CTNNA1: variants seen among roughly 807,000 people sequenced by gnomAD.
CTNNA1 encodes the protein catenin alpha 1.
Under a neutral mutation model 98.4 loss-of-function variants are expected in CTNNA1, and 37 were observed. The observed-to-expected ratio is 0.38, with a 90% confidence interval of 0.29 to 0.49. CTNNA1 has a LOEUF of 0.49. Among genes scored for constraint, CTNNA1 ranks in the 20% least tolerant of loss-of-function variants. The pLI, the probability that CTNNA1 is intolerant of heterozygous loss-of-function variation, is 0.95. For missense variants in CTNNA1, 761 were observed against 1,147.2 expected (o/e 0.66, Z 4.86); for synonymous variants, 404 against 413.2 (o/e 0.98, Z 0.27).
In CTNNA1 at chr5:138,906,659, A is replaced by G. The variant is rs147421951; in HGVS notation, c.1389+2218A>G. On this transcript the variant is annotated intron_variant, in intron 10 of 17. Transcript: ENST00000302763. The stretch of plus-strand genomic sequence containing the variant: ...GGTTTGAGTTAGCCATCAGAAAGCA[A>G]TGTGTCTTCCTCTCCCTTGCAGTTT... Among the ~76,000 whole-genome samples, 23 of 152,298 alleles carry G rather than the reference A, an allele frequency of 1.5e-4. No individual in the cohort carries two copies. The East Asian group carries it at 1.5e-3, about 10-fold the overall frequency.
chr5:138,785,399 C>T (rs1473488118), intron 3 of CTNNA1, among the ~76,000 whole-genome samples: 1 of 152,064 alleles, frequency 6.6e-6, no homozygotes, highest in Non-Finnish European at 1.5e-5. Context: ...CAGTTCAGGA[C>T]AGTTTTTGAG....
chr5:138,867,987 G>A (rs1037142900), intron 7 of CTNNA1, among the ~76,000 whole-genome samples: 1 of 152,016 alleles, frequency 6.6e-6, no homozygotes, highest in African/African-American at 2.4e-5. Flanking sequence ...CTTGACCGCA[G>A]GTGATCCACC....
At chr5:138,814,950 C>T (rs900368688) in intron 5 of CTNNA1, among the ~76,000 whole-genome samples, 5 of 152,102 alleles carry the variant, frequency 3.3e-5, no homozygotes, top group African/African-American at 1.2e-4. Flanking sequence ...GACGGGGTTT[C>T]ACCATCTTGG....
intron 1 of CTNNA1, chr5:138,754,466 A>G (rs1332732825): frequency 2.0e-5 from 3 of 152,112 alleles, no homozygotes; most frequent in Non-Finnish European, 2.9e-5. Context: ...AGAATTTACA[A>G]TTATTTGGAA....
At chr5:138,783,943 C>G (rs937942339) in intron 3 of CTNNA1, among the ~76,000 whole-genome samples, 1 of 152,120 alleles carries the variant, frequency 6.6e-6, no homozygotes, top group African/African-American at 2.4e-5. Context: ...TTGGGAAATT[C>G]AGAATTGATA....
At chr5:138,929,417 T>G (rs1160959022) in intron 14 of CTNNA1, 61 bp downstream of exon 14, 1 of 833,794 alleles carries the variant, frequency 1.2e-6, no homozygotes, top group African/African-American at 1.7e-5. Context: ...GTCCCCTTTC[T>G]TGTTTCCAGG....
At chr5:138,904,222 G>A (rs1758671973) in intron 9 of CTNNA1, 127 bp from the exon 10 acceptor site, 2 of 1,173,628 alleles carry the variant, frequency 1.7e-6, no homozygotes, top group Admixed American at 2.9e-5. Context: ...ATCAGGCTGT[G>A]AGAAGGGAGG....
intron 5 of CTNNA1, among the ~76,000 whole-genome samples, chr5:138,813,356 G>A (rs746099633): frequency 5.3e-5 from 8 of 152,174 alleles, no homozygotes; most frequent in Non-Finnish European, 8.8e-5. Flanking sequence ...TAGTAGACTT[G>A]TCCTAAATCT....
chr5:138,874,797 C>T lies in CTNNA1; in HGVS notation c.1063-11415C>T. 1 of 1,145,434 alleles carries T rather than the reference C, an allele frequency of 8.7e-7. No homozygotes were observed. The highest frequency in any genetic ancestry group is 1.3e-6 in the Non-Finnish European group (1 of 782,110). 71.0% of individuals were successfully genotyped at this position (1,145,434 alleles called of 1,614,324 possible). On this transcript the variant is annotated intron_variant, in intron 7 of 17. Transcript: ENST00000302763. This position sits in a 1 kb window ranked among gnomAD's most constrained non-coding sequence, Gnocchi z 4.1. ...TCGATATATGCTTTTACCTAAACCT[C>T]AAAATCCAAAATATGATGGTGATTT... is the stretch of plus-strand genomic sequence containing the variant.
chr5:138,772,507 T>TA (rs1421655574), intron 1 of CTNNA1, among the ~76,000 whole-genome samples: 2 of 152,210 alleles, frequency 1.3e-5, no homozygotes, highest in African/African-American at 4.8e-5. Flanking sequence ...AACCAGAAGA[T>TA]ACGACTAAGA....
chr5:138,915,364 A>G (rs1460106411), intron 10 of CTNNA1, among the ~76,000 whole-genome samples: 3 of 152,164 alleles, frequency 2.0e-5, no homozygotes, highest in Non-Finnish European at 1.5e-5. Context: ...ATCATCAGCT[A>G]TCAGGATGGT....
chr5:138,917,331 C>T (rs2150230841), intron 10 of CTNNA1, among the ~76,000 whole-genome samples: 1 of 152,212 alleles, frequency 6.6e-6, no homozygotes, highest in South Asian at 2.1e-4. Flanking sequence ...AGAATATATA[C>T]TTAGTGTTTT....
At chr5:138,768,134 T>G (rs1293929332) in intron 1 of CTNNA1, among the ~76,000 whole-genome samples, 2 of 152,230 alleles carry the variant, frequency 1.3e-5, no homozygotes, top group East Asian at 3.8e-4. Flanking sequence ...CATATTGCAT[T>G]CGATTGTCGT....
At chr5:138,771,848 G>A (rs1019522792) in intron 1 of CTNNA1, among the ~76,000 whole-genome samples, 4 of 151,964 alleles carry the variant, frequency 2.6e-5, no homozygotes, top group Non-Finnish European at 5.9e-5. Context: ...ACGTTGCTTC[G>A]GGTACTTTTA....
chr5:138,864,341 G>A (rs917551873), intron 7 of CTNNA1, among the ~76,000 whole-genome samples: 2 of 152,126 alleles, frequency 1.3e-5, no homozygotes, highest in African/African-American at 2.4e-5. Flanking sequence ...AATTGGGAAA[G>A]TTACAAATCT....
intron 3 of CTNNA1, among the ~76,000 whole-genome samples, chr5:138,787,631 A>G (rs1755855630): frequency 6.6e-6 from 1 of 152,076 alleles, no homozygotes; most frequent in African/African-American, 2.4e-5. Flanking sequence ...AAAGGTAGTT[A>G]TTTATGTGTT....
At chr5:138,813,966 T>G (rs190352866) in intron 5 of CTNNA1, among the ~76,000 whole-genome samples, 2 of 152,186 alleles carry the variant, frequency 1.3e-5, no homozygotes, top group South Asian at 4.1e-4. Flanking sequence ...TGGGGGCTTC[T>G]TAGTCATTTG....
intron 7 of CTNNA1, chr5:138,881,059 G>A (rs781703678): frequency 2.4e-5 from 11 of 456,240 alleles, no homozygotes; most frequent in South Asian, 9.3e-5. Context: ...TCAGCATTCC[G>A]TCTGCAGTTG....
intron 7 of CTNNA1, chr5:138,870,192 C>T (rs1281481206): frequency 1.3e-5 from 2 of 152,198 alleles, no homozygotes; most frequent in Non-Finnish European, 2.9e-5. Context: ...AGATCCGCAG[C>T]GTTGCTGTGA....
Sources: gnomAD v4.1 joint callset for allele counts (sites outside exome capture counted in the v4.1 genomes callset) on GRCh38, gnomAD v4.1.1 for gene constraint, Gnocchi (gnomAD v3.1) non-coding constraint, MANE v1.5 for transcripts, NCBI Gene and HGNC (gene_info 2026-07-23, HGNC 2026-07-21) for gene names.